The following MX2 variants were observed in gnomAD, a reference collection of about 807,000 sequenced individuals.
MX2 encodes the protein MX dynamin like GTPase 2.
MX2 carries 51 observed loss-of-function variants against 74.0 expected under a neutral mutation model. That is an observed-to-expected ratio of 0.69 (90% confidence interval 0.55 to 0.87). The LOEUF (loss-of-function observed/expected upper bound fraction) is 0.87, where lower values mean the gene tolerates loss of function less well. Among genes scored for constraint, MX2 ranks in the 40% least tolerant of loss-of-function variants. MX2 has a pLI of 0.00. For missense variants in MX2, 832 were observed against 908.7 expected, an observed-to-expected ratio of 0.92 and a Z score of 1.09; for synonymous variants, 369 against 339.3, an observed-to-expected ratio of 1.09 and a Z score of -0.96.
chr21:41,367,851 C>T lies in MX2; in HGVS notation c.-72+5796C>T, dbSNP rs115528945. On this transcript the variant is annotated intron_variant, in intron 1 of 13. Coordinates refer to ENST00000330714, the MANE Select transcript of MX2 (RefSeq NM_002463.2). ...TGTCCTTCCTTGGATCCGTCACCCCCGACCTGGCCCTCAGTAGCTCCCTCC... is the reference window on the plus strand; with the variant it reads ...TGTCCTTCCTTGGATCCGTCACCCCTGACCTGGCCCTCAGTAGCTCCCTCC... 9.8e-3 allele frequency among the ~76,000 whole-genome samples: 1,496 copies of T among 152,302 alleles called. 15 individuals carry two copies. Among genetic ancestry groups the T allele is most frequent in the Non-Finnish European group, 0.012 (786 of 68,016 alleles).
Position 41,402,067 on chromosome 21 carries a change from C to T in MX2, c.1512C>T (p.Ile504=), listed in dbSNP as rs768632785. The change falls in exon 11 of 14, where the codon ATC becomes ATT. Residue 504 remains isoleucine, a synonymous_variant. Transcript: ENST00000330714. The surrounding 1 kb of genome is among the most constrained non-coding windows in gnomAD (Gnocchi z 4.5). ...GFVNYKTFEI[I]VHQYIQQLVE... ...TCAACTACAAGACATTTGAGATCAT[C>T]GTGCATCAGTACATCCAGCAGCTGG... 1.2e-5 allele frequency: 20 copies of T among 1,614,048 alleles called. No homozygotes were observed. The South Asian group carries it at 1.4e-4, about 12-fold the overall frequency.
At chr21:41,397,514 G>GC in intron 7 of MX2, 99 bp from the exon 8 acceptor site, 1 of 1,037,028 alleles carries the variant, frequency 9.6e-7, no homozygotes, top group Non-Finnish European at 1.5e-6. Flanking sequence ...GGCACGTGTT[G>GC]CCCCGGGGAG....
rs538452423 is a variant in MX2, at chr21:41,383,359, C to T, written c.732+795C>T. 2.6e-5 allele frequency among the ~76,000 whole-genome samples: 4 copies of T among 152,170 alleles called. No individual in the cohort carries two copies. The East Asian group carries it at 7.7e-4, about 29-fold the overall frequency. On this transcript the variant is annotated intron_variant, in intron 5 of 13. Transcript: ENST00000330714. The stretch of plus-strand genomic sequence containing the variant: ...TGAGTGACAGAGAGAGACTCTGTCT[C>T]AAAAATAAATAAATAAATAAACCTG...
rs1322656684 is a variant in MX2 at position 41,408,036 on chromosome 21, T to C, written c.1951T>C (p.Tyr651His). The change falls in exon 14 of 14, where the codon TAT becomes CAT. Residue 651 changes from tyrosine (Y) to histidine (H), a missense_variant. Physicochemically the swap from Tyr to His is moderately conservative, Grantham distance 83 (BLOSUM62 2). Coordinates refer to ENST00000330714, the MANE Select transcript of MX2 (RefSeq NM_002463.2). Reference protein sequence around the residue: ...LANQIPFIIQYFMLRENGDSL... With the variant: ...LANQIPFIIQHFMLRENGDSL... ...CAACCAGATCCCATTTATAATTCAG[T>C]ATTTTATGCTCCGAGAGAATGGTGA... 6.2e-7 allele frequency: 1 copy of C among 1,614,148 alleles called. No homozygotes were observed. Among genetic ancestry groups the C allele is most frequent in the Non-Finnish European group, 8.5e-7 (1 of 1,180,024 alleles).
rs762238549 is a variant in MX2, at chr21:41,382,553, A to G, written c.721A>G (p.Ile241Val). ...GGCTGTGGACAACCAGCCCCGAGAC[A>G]TCGGACTGCAGGTGAGCCCTTCTGG... ...RVAVDNQPRDIGLQIKALIKK... is the reference protein window; with the variant it reads ...RVAVDNQPRDVGLQIKALIKK... Residue 241 changes from isoleucine (I) to valine (V), a missense_variant, in exon 5 of 14, where the codon ATC becomes GTC. Transcript: ENST00000330714. 11 of 1,614,060 alleles carry G rather than the reference A, an allele frequency of 6.8e-6. No individual in the cohort carries two copies. Among genetic ancestry groups the G allele is most frequent in the Admixed American group, 3.3e-5 (2 of 60,004 alleles).
intron 1 of MX2, chr21:41,367,455 G>A (rs1171788938): frequency 6.6e-6 from 1 of 152,114 alleles, no homozygotes; most frequent in Middle Eastern, 3.2e-3. Flanking sequence ...AGATGGTAAT[G>A]TTATAGGAAA....
At chr21:41,395,011 G>GAAGA (rs2089715846) in intron 6 of MX2, among the ~76,000 whole-genome samples, 1 of 151,686 alleles carries the variant, frequency 6.6e-6, no homozygotes, top group Non-Finnish European at 1.5e-5. Flanking sequence ...AGGAAAGAAG[G>GAAGA]AAGAAAGAAA....
In MX2 at chr21:41,388,252, C is replaced by G. The variant is rs1224969767; in HGVS notation, c.733-2313C>G. Among the ~76,000 whole-genome samples, 1 of 152,190 alleles carries G rather than the reference C, an allele frequency of 6.6e-6. No individual in the cohort carries two copies. The highest frequency in any genetic ancestry group is 6.5e-5 in the Admixed American group (1 of 15,284). On this transcript the variant is annotated intron_variant, in intron 5 of 13. Transcript: ENST00000330714. This position sits in a 1 kb window ranked among gnomAD's most constrained non-coding sequence, Gnocchi z 4.0. ...GTAAAATTCCAAGGTCCCATGTGAT[C>G]CAATCCCCCTACTTCATGGACCACA... is the stretch of plus-strand genomic sequence containing the variant.
At chr21:41,390,409 C>A in intron 5 of MX2, 156 bp from the exon 6 acceptor site, 1 of 1,041,086 alleles carries the variant, frequency 9.6e-7, no homozygotes, top group Non-Finnish European at 1.4e-6. Flanking sequence ...GCCGCCGGGG[C>A]AGGCATTCCC....
At chr21:41,372,987 T>TG (rs930726853) in intron 1 of MX2, 14 of 152,166 alleles carry the variant, frequency 9.2e-5, no homozygotes, top group Admixed American at 7.2e-4. Flanking sequence ...GGTACAGCTG[T>TG]GAAAAAAAAC....
chr21:41,403,399 A>G lies in MX2; in HGVS notation c.1650+56A>G, dbSNP rs146149584. 363 of 1,412,114 alleles carry G rather than the reference A, an allele frequency of 2.6e-4. 5 individuals are homozygous for G. In the East Asian group the frequency reaches 8.2e-3, roughly 32 times the overall value. The allele number at this position is 1,412,114 out of a possible 1,614,324, so 87.5% of individuals were successfully genotyped here. On this transcript the variant is annotated intron_variant, in intron 12 of 13. Transcript: ENST00000330714. ...CTGGACCACTGGCTGTTTAACCTTG[A>G]GAGAAGTTGGATATTCACTGTCATT...
intron 1 of MX2, chr21:41,370,293 G>A (rs575138850): frequency 5.2e-5 from 8 of 152,414 alleles, no homozygotes; most frequent in Non-Finnish European, 7.3e-5. Context: ...GACGAGCAGA[G>A]GAAATGGGAC....
At chr21:41,379,725 G>A (rs1315278420) in intron 3 of MX2, among the ~76,000 whole-genome samples, 1 of 152,234 alleles carries the variant, frequency 6.6e-6, no homozygotes, top group Non-Finnish European at 1.5e-5. Flanking sequence ...GCAGTGTGGT[G>A]GGGGCTATGG....
At chr21:41,404,946 C>T (rs1383239761) in intron 12 of MX2, 1 of 150,986 alleles carries the variant, frequency 6.6e-6, no homozygotes, top group African/African-American at 2.4e-5. Flanking sequence ...TGAAACTTCA[C>T]CTCTGAAACT....
chr21:41,386,749 C>T (rs1425920500), intron 5 of MX2, among the ~76,000 whole-genome samples: 1 of 152,212 alleles, frequency 6.6e-6, no homozygotes, highest in African/African-American at 2.4e-5. Flanking sequence ...TTGTCCTCCA[C>T]GTTCCTGGGC....
rs1055738409 is a variant in MX2 at position 41,368,662 on chromosome 21, G to A, written c.-72+6607G>A. ...AAATGAGGGTGAGGGTGAGGGTGGC[G>A]ACAGTTTTAAATATGTTTTAAAAGG... On this transcript the variant is annotated intron_variant, in intron 1 of 13. Coordinates refer to ENST00000330714, the MANE Select transcript of MX2 (RefSeq NM_002463.2). The surrounding 1 kb of genome is among the most constrained non-coding windows in gnomAD (Gnocchi z 4.6). Among the ~76,000 whole-genome samples, 2 of 152,192 alleles carry A rather than the reference G, an allele frequency of 1.3e-5. No homozygotes were observed. Among genetic ancestry groups the A allele is most frequent in the East Asian group, 3.9e-4 (2 of 5,194 alleles).
In MX2 at chr21:41,380,179, A is replaced by G. The variant is rs146751105; in HGVS notation, c.577+28A>G. 4 of 1,612,848 alleles carry G rather than the reference A, an allele frequency of 2.5e-6. No homozygotes were observed. The highest frequency in any genetic ancestry group is 3.4e-6 in the Non-Finnish European group (4 of 1,179,222). ...GGGCCCACGTCATTCTGAGGTTCGG[A>G]TCTGGCAGCCGCTCCTCTCACTTCC... On this transcript the variant is annotated intron_variant, in intron 4 of 13. Transcript: ENST00000330714. This position sits in a 1 kb window ranked among gnomAD's most constrained non-coding sequence, Gnocchi z 4.3.
chr21:41,403,079 C>T (rs911029952), intron 11 of MX2, 188 bp from the exon 12 acceptor site: 1 of 561,820 alleles, frequency 1.8e-6, no homozygotes, highest in Non-Finnish European at 3.2e-6. Flanking sequence ...TGCATGAGGG[C>T]TGGATTGTGT....
At chr21:41,390,383 C>A in intron 5 of MX2, 182 bp from the exon 6 acceptor site, 1 of 743,988 alleles carries the variant, frequency 1.3e-6, no homozygotes. Flanking sequence ...GGGAGGTCAT[C>A]AGAGACCAGG....
Sources: gnomAD v4.1 joint callset for allele counts (sites outside exome capture counted in the v4.1 genomes callset) on GRCh38, gnomAD v4.1.1 for gene constraint, Gnocchi (gnomAD v3.1) non-coding constraint, MANE v1.5 for transcripts, NCBI Gene and HGNC (gene_info 2026-07-23, HGNC 2026-07-21) for gene names.